TENM1: variants seen among roughly 807,000 people sequenced by gnomAD.
The protein encoded by TENM1 is teneurin transmembrane protein 1, also known as teneurin-1.
Under a neutral mutation model 174.8 loss-of-function variants are expected in TENM1, and 35 were observed. The observed-to-expected ratio is 0.20, with a 90% CI of 0.15 to 0.27. The LOEUF (loss-of-function observed/expected upper bound fraction) is 0.27. Among genes scored for constraint, TENM1 ranks in the 10% least tolerant of loss-of-function variants. The probability of loss-of-function intolerance (pLI) is 1.00; values close to 1 mark genes in which losing one functional copy is unlikely to be tolerated. For missense variants in TENM1, 1,633 were observed against 2,130.1 expected (o/e 0.77, Z 4.59); for synonymous variants, 781 against 798.7 (o/e 0.98, Z 0.37).
At chrX:124,857,269 T>C (rs1489136651) in intron 3 of TENM1, among the ~76,000 whole-genome samples, 1 of 110,783 alleles carries the variant, frequency 9.0e-6, no homozygotes. Flanking sequence ...ATTGACAAGA[T>C]GGAACATTAG....
exon 26 of TENM1, chrX:124,406,406 G>T (rs1467476561): frequency 8.3e-7 from 1 of 1,208,996 alleles, no homozygotes; most frequent in African/African-American, 1.7e-5. Context: ...CTCCACTTTT[G>T]TCAGCTTCTC....
intron 11 of TENM1, among the ~76,000 whole-genome samples, chrX:124,609,497 A>G (rs1018185202): frequency 9.0e-6 from 1 of 111,655 alleles, no homozygotes; most frequent in African/African-American, 3.3e-5. Flanking sequence ...GTAAGACAGT[A>G]GTTGCCAGGG....
chrX:124,938,983 A>G (rs908658900), intron 1 of TENM1, among the ~76,000 whole-genome samples: 3 of 111,888 alleles, frequency 2.7e-5, no homozygotes, highest in Admixed American at 1.9e-4. Flanking sequence ...CCAATGTTTA[A>G]TAATGGAAAA....
intron 5 of TENM1, among the ~76,000 whole-genome samples, chrX:124,700,914 C>G (rs1394416786): frequency 9.0e-6 from 1 of 110,837 alleles, no homozygotes; most frequent in Non-Finnish European, 1.9e-5. Context: ...TGCAAAGAGG[C>G]AAAAAAAGCA....
At chrX:124,653,250 G>T (rs2051355984) in intron 7 of TENM1, among the ~76,000 whole-genome samples, 1 of 111,661 alleles carries the variant, frequency 9.0e-6, no homozygotes, top group African/African-American at 3.3e-5. Context: ...GGACACAGAT[G>T]TATGAAATCA....
At chrX:125,116,955 G>A in the TENM1 span, among the ~76,000 whole-genome samples, 1 of 104,538 alleles carries the variant, frequency 9.6e-6, no homozygotes, top group South Asian at 4.6e-4. Context: ...AGATTGCAGT[G>A]AGCTGAGATT....
chrX:124,396,469 T>A (rs2060335846), intron 27 of TENM1, among the ~76,000 whole-genome samples: 1 of 109,089 alleles, frequency 9.2e-6, no homozygotes. Flanking sequence ...GCCCAGCTAA[T>A]TTTTTTGTAT....
At chrX:124,410,494 T>C (rs745336876) in intron 25 of TENM1, among the ~76,000 whole-genome samples, 6 of 111,534 alleles carry the variant, frequency 5.4e-5, no homozygotes, top group Non-Finnish European at 1.9e-5. Flanking sequence ...CCAAAAGCAA[T>C]GGCAACGAAA....
At chrX:124,738,080 T>G (rs1298377035) in intron 3 of TENM1, among the ~76,000 whole-genome samples, 1 of 111,800 alleles carries the variant, frequency 8.9e-6, no homozygotes, top group East Asian at 2.8e-4. Context: ...ATACCTCAAT[T>G]AAACCCCTTT....
the TENM1 span, among the ~76,000 whole-genome samples, chrX:125,002,084 C>A: frequency 9.0e-6 from 1 of 111,241 alleles, no homozygotes; most frequent in Non-Finnish European, 1.9e-5. Flanking sequence ...TAAGTTTATT[C>A]CTTCTTGGAT....
exon 32 of TENM1, chrX:124,376,461 A>G (rs181447625): frequency 8.9e-6 from 1 of 112,447 alleles, no homozygotes; most frequent in African/African-American, 3.2e-5. Flanking sequence ...TTAAGAGGTT[A>G]AAGTCCACCA....
At chrX:124,446,126 T>G (rs911642234) in intron 23 of TENM1, among the ~76,000 whole-genome samples, 2 of 112,617 alleles carry the variant, frequency 1.8e-5, no homozygotes, top group Non-Finnish European at 3.8e-5. Flanking sequence ...TAAACACACA[T>G]TCTGTGAATA....
At chrX:124,718,841 T>C (rs760255098) in intron 4 of TENM1, among the ~76,000 whole-genome samples, 4 of 112,129 alleles carry the variant, frequency 3.6e-5, no homozygotes, top group Admixed American at 1.9e-4. Flanking sequence ...TTTCTCAAAC[T>C]GGCTACAAAA....
At chrX:124,520,622 G>A (rs2047820719) in exon 18 of TENM1, 1 of 1,211,043 alleles carries the variant, frequency 8.3e-7, no homozygotes. Context: ...TTCTGTGTGA[G>A]TCGCCCTTCC....
At chrX:124,573,629 C>T (rs897397614) in intron 11 of TENM1, among the ~76,000 whole-genome samples, 6 of 111,937 alleles carry the variant, frequency 5.4e-5, no homozygotes, top group Non-Finnish European at 1.1e-4. Flanking sequence ...ACCACAACCA[C>T]GAGTCGGATA....
chrX:125,136,912 GAACCAATCCCCCA>G, the TENM1 span, among the ~76,000 whole-genome samples: 1 of 111,214 alleles, frequency 9.0e-6, no homozygotes, highest in African/African-American at 3.3e-5. Context: ...TGGGGTCCTG[GAACCAATCCCCCA>G]CAGATATCAA....
chrX:125,108,719 A>G, the TENM1 span, among the ~76,000 whole-genome samples: 4 of 100,416 alleles, frequency 4.0e-5, no homozygotes, highest in Non-Finnish European at 7.8e-5. Context: ...TTTAAAAATG[A>G]TTATATATAT....
intron 4 of TENM1, among the ~76,000 whole-genome samples, chrX:124,731,771 G>T (rs2053570493): frequency 8.9e-6 from 1 of 111,826 alleles, no homozygotes; most frequent in Admixed American, 9.5e-5. Context: ...TTATTAGATT[G>T]GAAGATCGGT....
At chrX:124,619,852 T>C (rs1484393517) in intron 11 of TENM1, among the ~76,000 whole-genome samples, 3 of 111,946 alleles carry the variant, frequency 2.7e-5, no homozygotes. Context: ...AAAGGTATAA[T>C]ATTCAGAGGC....
Sources: allele counts gnomAD v4.1 joint callset (sites outside exome capture counted in the v4.1 genomes callset), GRCh38; gene constraint gnomAD v4.1.1; transcripts MANE v1.5; gene names NCBI Gene and HGNC (gene_info 2026-07-23, HGNC 2026-07-21).